Variants in ABHD12 observed in about 807,000 individuals in gnomAD.
The protein encoded by ABHD12 is lysophosphatidylserine lipase ABHD12.
In ABHD12, 43 loss-of-function variants were observed where a neutral mutation model predicts 58.3. The ratio of observed to expected loss-of-function variants is 0.74; its 90% CI spans 0.58 to 0.95. ABHD12 has a LOEUF of 0.95. Ranked by LOEUF, ABHD12 falls within the 40% of genes least tolerant of loss-of-function variation. The pLI, the probability that ABHD12 is intolerant of heterozygous loss-of-function variation, is 0.00. For synonymous variants in ABHD12, 219 were observed against 211.2 expected (o/e 1.04, Z -0.32); for missense variants, 539 against 537.2 (o/e 1.00, Z -0.03).
chr20:25,387,589 T>TAAAAAAAAAAAAAAAA lies in ABHD12; in HGVS notation c.191+2923_191+2924insTTTTTTTTTTTTTTTT, dbSNP rs779293077. 4.7e-5 allele frequency among the ~76,000 whole-genome samples: 4 copies of TAAAAAAAAAAAAAAAA among 85,252 alleles called. 1 individual carries two copies. The highest frequency in any genetic ancestry group is 2.0e-4 in the African/African-American group (4 of 20,454). 55.9% of individuals were successfully genotyped at this position (85,252 alleles called of 152,430 possible). On this transcript the variant is annotated intron_variant, in intron 1 of 12. Transcript: ENST00000339157. ...GCAACATAGTGAGACTTCATCTCTA[T>TAAAAAAAAAAAAAAAA]TAAAAAAAAAAAAAAAAAATTAACC...
At chr20:25,344,887 T>C (rs1310812726) in intron 1 of ABHD12, among the ~76,000 whole-genome samples, 4 of 152,174 alleles carry the variant, frequency 2.6e-5, no homozygotes, top group South Asian at 2.1e-4. Context: ...GGCAATACAA[T>C]GGAGCAAAGA....
At chr20:25,385,292 A>T (rs1348945408) in intron 1 of ABHD12, among the ~76,000 whole-genome samples, 2 of 141,846 alleles carry the variant, frequency 1.4e-5, no homozygotes, top group African/African-American at 5.3e-5. Context: ...AGCCAAGATC[A>T]TGCCATTGCA....
rs537485329 is a variant in ABHD12, at chr20:25,330,504, G to A, written c.317-7074C>T. Among the ~76,000 whole-genome samples the A allele has an allele frequency of 4.6e-5, 7 of 152,356 alleles. No individual in the cohort carries two copies. The East Asian group carries it at 1.3e-3, about 29-fold the overall frequency. On this transcript the variant is annotated intron_variant, in intron 2 of 12. Coordinates refer to ENST00000339157, the MANE Select transcript of ABHD12 (RefSeq NM_001042472.3). ...GCCTGCCTCTGTAGGCTCCACCTCT[G>A]GGGGCAGGGCACAGACAAAGAAAAA...
At chr20:25,316,160 C>CT (rs150214633) in intron 5 of ABHD12, among the ~76,000 whole-genome samples, 85,316 of 149,858 alleles carry the variant, frequency 0.57, 24,924 homozygotes, top group African/African-American at 0.64. Flanking sequence ...TTTCTCTTTT[C>CT]CTTTTTTTTT....
At chr20:25,313,578 A>AAAAATAAAATAAAATAAAATCAAAT (rs2088904589) in intron 6 of ABHD12, among the ~76,000 whole-genome samples, 1 of 131,650 alleles carries the variant, frequency 7.6e-6, no homozygotes, top group South Asian at 2.6e-4. Flanking sequence ...AATGATCAAT[A>AAAAATAAAATAAAATAAAATCAAAT]AAAATAAAAT....
intron 5 of ABHD12, among the ~76,000 whole-genome samples, chr20:25,316,022 C>A (rs551473942): frequency 6.6e-6 from 1 of 152,188 alleles, no homozygotes; most frequent in Non-Finnish European, 1.5e-5. Context: ...GCCCTAGGCA[C>A]CCCCTGCATG....
intron 1 of ABHD12, among the ~76,000 whole-genome samples, chr20:25,340,396 T>C (rs540641215): frequency 3.9e-5 from 6 of 152,380 alleles, no homozygotes; most frequent in African/African-American, 1.4e-4. Flanking sequence ...GACTCTCCTA[T>C]CTGCTTCTGC....
intron 3 of ABHD12, among the ~76,000 whole-genome samples, chr20:25,322,425 G>C (rs2089094478): frequency 8.3e-6 from 1 of 120,508 alleles, no homozygotes; most frequent in Middle Eastern, 4.5e-3. Context: ...TGTTGCCCAG[G>C]CTGGAGTGCA....
At chr20:25,295,443 C>G (rs999391898), downstream of ABHD12, among the ~76,000 whole-genome samples, 1 of 152,274 alleles carries the variant, frequency 6.6e-6, no homozygotes, top group African/African-American at 2.4e-5. Flanking sequence ...GCCAAATGGG[C>G]CTGGTGCAGC....
intron 1 of ABHD12, among the ~76,000 whole-genome samples, chr20:25,354,732 T>C (rs1432088159): frequency 6.6e-6 from 1 of 151,798 alleles, no homozygotes; most frequent in African/African-American, 2.4e-5. Flanking sequence ...AATCCTAAGA[T>C]AGAATTGTTA....
chr20:25,357,834 A>C (rs1200502609), intron 1 of ABHD12, among the ~76,000 whole-genome samples: 1 of 152,020 alleles, frequency 6.6e-6, no homozygotes, highest in Non-Finnish European at 1.5e-5. Flanking sequence ...AACATGGCAA[A>C]ACCCTGCCTC....
At chr20:25,360,227 C>CTGTTTTTTTTTT (rs2089726632) in intron 1 of ABHD12, among the ~76,000 whole-genome samples, 1 of 37,392 alleles carries the variant, frequency 2.7e-5, no homozygotes. Context: ...GAACACGTTA[C>CTGTTTTTTTTTT]TTTTTTTTTT....
chr20:25,331,246 G>A (rs1243739307), intron 2 of ABHD12, among the ~76,000 whole-genome samples: 1 of 152,168 alleles, frequency 6.6e-6, no homozygotes, highest in African/African-American at 2.4e-5. Flanking sequence ...AAGAAGGGAA[G>A]TTTAGAGAAA....
intron 2 of ABHD12, among the ~76,000 whole-genome samples, chr20:25,325,247 C>T (rs1469502273): frequency 2.0e-5 from 3 of 151,286 alleles, no homozygotes; most frequent in East Asian, 1.9e-4. Flanking sequence ...GCTTTGAACC[C>T]GGCAGCCCGG....
At chr20:25,306,519 C>T (rs1386399603) in intron 10 of ABHD12, among the ~76,000 whole-genome samples, 2 of 152,180 alleles carry the variant, frequency 1.3e-5, no homozygotes, top group African/African-American at 2.4e-5. Context: ...GCTGGGACCA[C>T]AGGTACACGA....
At chr20:25,318,912 G>A (rs546295014) in intron 4 of ABHD12, among the ~76,000 whole-genome samples, 2 of 152,172 alleles carry the variant, frequency 1.3e-5, no homozygotes, top group African/African-American at 2.4e-5. Flanking sequence ...GGGCCATGCC[G>A]CCAGGCTCTT....
Position 25,390,648 on chromosome 20 carries a change from C to A in ABHD12, c.56G>T (p.Gly19Val). The change falls in exon 1 of 13, where the codon GGC becomes GTC. Residue 19 changes from glycine to valine, a missense_variant. Coordinates refer to ENST00000339157, the MANE Select transcript of ABHD12 (RefSeq NM_001042472.3). ...ALEHERCAAA[G>V]SSSSGSAAAA... Reference sequence around the variant, plus strand: ...GGCGGCCGAGCCGGAGGAGGACGAGCCCGCGGCGGCGCAGCGCTCATGCTC... The same window carrying A: ...GGCGGCCGAGCCGGAGGAGGACGAGACCGCGGCGGCGCAGCGCTCATGCTC... The A allele has an allele frequency of 6.9e-7, 1 of 1,444,710 alleles. No individual in the cohort carries two copies. Among genetic ancestry groups the A allele is most frequent in the Non-Finnish European group, 9.1e-7 (1 of 1,103,226 alleles). 89.5% of individuals were successfully genotyped at this position (1,444,710 alleles called of 1,614,324 possible). A position where few individuals can be genotyped will look rare whatever the true frequency, so the allele number is the denominator to read the frequency against.
At chr20:25,338,260 A>G (rs1285485556) in intron 2 of ABHD12, among the ~76,000 whole-genome samples, 2 of 151,982 alleles carry the variant, frequency 1.3e-5, no homozygotes, top group Admixed American at 6.6e-5. Context: ...TGCCTCAGCA[A>G]TATCAGGCCC....
chr20:25,312,886 T>C (rs1385145626), intron 6 of ABHD12, among the ~76,000 whole-genome samples: 2 of 141,282 alleles, frequency 1.4e-5, no homozygotes, highest in Non-Finnish European at 3.0e-5. Context: ...GTCTGAGAAG[T>C]GCGGAGCCCC....
Sources: gnomAD v4.1 joint callset for allele counts (sites outside exome capture counted in the v4.1 genomes callset) on GRCh38, gnomAD v4.1.1 for gene constraint, MANE v1.5 for transcripts, NCBI Gene and HGNC (gene_info 2026-07-23, HGNC 2026-07-21) for gene names.